KCTD16: variants seen among roughly 807,000 people sequenced by gnomAD.
KCTD16 encodes BTB/POZ domain-containing protein KCTD16.
A neutral mutation model predicts 33.2 loss-of-function variants in KCTD16; 13 were observed. The observed-to-expected ratio is 0.39, with a 90% CI of 0.25 to 0.62. The LOEUF is 0.62. KCTD16 is among the 20% of genes least tolerant of loss of function. KCTD16 has a pLI of 0.50. For synonymous variants in KCTD16, 197 were observed against 195.3 expected (o/e 1.01, Z -0.07); for missense variants, 441 against 525.1 (o/e 0.84, Z 1.57).
chr5:144,348,936 T>C (rs2126906035), intron 3 of KCTD16, among the ~76,000 whole-genome samples: 1 of 152,252 alleles, frequency 6.6e-6, no homozygotes, highest in East Asian at 1.9e-4. Context: ...GAGAGTAGGT[T>C]CAGGGGGCTA....
intron 3 of KCTD16, among the ~76,000 whole-genome samples, chr5:144,384,693 A>G (rs1451405439): frequency 6.6e-6 from 1 of 152,172 alleles, no homozygotes; most frequent in Non-Finnish European, 1.5e-5. Flanking sequence ...TTCATCATTA[A>G]TGTTTGCACT....
intron 1 of KCTD16, among the ~76,000 whole-genome samples, chr5:144,172,447 A>G (rs1264050523): frequency 5.3e-5 from 8 of 152,238 alleles, no homozygotes; most frequent in Admixed American, 4.6e-4. Flanking sequence ...AGTTATTTTG[A>G]ACTATACAAT....
intron 3 of KCTD16, among the ~76,000 whole-genome samples, chr5:144,362,467 G>A (rs74543196): frequency 0.027 from 4,062 of 152,176 alleles, 84 homozygotes; most frequent in African/African-American, 0.044. Context: ...TGGTAGAGTG[G>A]GGTGACTAAT....
Position 144,481,666 on chromosome 5 carries a change from T to A in KCTD16, c.*7552T>A, listed in dbSNP as rs1431204588. 1.3e-5 allele frequency: 2 copies of A among 151,944 alleles called. No individual in the cohort carries two copies. Among genetic ancestry groups the A allele is most frequent in the East Asian group, 3.9e-4 (2 of 5,160 alleles). The allele number at this position is 151,944 out of a possible 1,614,324, so 9.4% of individuals were successfully genotyped here. A position where few individuals can be genotyped will look rare whatever the true frequency, so the allele number is the denominator to read the frequency against. ...AGAAAGTTTAAATCGGTCATTTATT[T>A]GTTTGTTTATGCATATATCCAGCAA... On this transcript the variant is annotated 3_prime_UTR_variant, in exon 4 of 4. Transcript: ENST00000512467.
intron 3 of KCTD16, among the ~76,000 whole-genome samples, chr5:144,278,057 T>G (rs557812676): frequency 6.6e-6 from 1 of 152,332 alleles, no homozygotes; most frequent in East Asian, 1.9e-4. Flanking sequence ...TTTTCTTTTA[T>G]GGGCTGTGCT....
At chr5:144,191,015 G>C (rs969888584) in intron 2 of KCTD16, among the ~76,000 whole-genome samples, 6 of 152,220 alleles carry the variant, frequency 3.9e-5, no homozygotes, top group African/African-American at 1.4e-4. Context: ...GACATTCAAT[G>C]TACACCATTC....
intron 3 of KCTD16, among the ~76,000 whole-genome samples, chr5:144,342,637 G>C (rs997963093): frequency 6.6e-6 from 1 of 152,176 alleles, no homozygotes; most frequent in African/African-American, 2.4e-5. Context: ...TGGTGAGAGA[G>C]GGCATCCCTG....
intron 3 of KCTD16, among the ~76,000 whole-genome samples, chr5:144,471,044 G>T (rs558109979): frequency 6.6e-6 from 1 of 152,160 alleles, no homozygotes; most frequent in Non-Finnish European, 1.5e-5. Context: ...GCCGGACGTG[G>T]TGGCAGGTAT....
At chr5:144,316,571 C>T (rs896746711) in intron 3 of KCTD16, among the ~76,000 whole-genome samples, 4 of 134,876 alleles carry the variant, frequency 3.0e-5, no homozygotes, top group Middle Eastern at 0.01. Flanking sequence ...AGTGCAGTGG[C>T]GCGATCTCTC....
intron 3 of KCTD16, among the ~76,000 whole-genome samples, chr5:144,281,053 G>A (rs528923437): frequency 1.3e-5 from 2 of 148,764 alleles, no homozygotes; most frequent in Non-Finnish European, 3.0e-5. Flanking sequence ...GTAGTGGTGG[G>A]AGCCTGTAGT....
intron 3 of KCTD16, among the ~76,000 whole-genome samples, chr5:144,345,675 T>C (rs1041547588): frequency 3.3e-5 from 5 of 152,102 alleles, no homozygotes; most frequent in African/African-American, 1.2e-4. Context: ...AAATTCTAGA[T>C]TAGTGCTGTC....
At chr5:144,205,442 G>C (rs1753140403) in intron 2 of KCTD16, 4 of 398,494 alleles carry the variant, frequency 1.0e-5, no homozygotes, top group African/African-American at 6.2e-5. Flanking sequence ...CGCCAGAGAA[G>C]CCGGAGCCCC....
chr5:144,399,879 T>G (rs1273122232), intron 3 of KCTD16, among the ~76,000 whole-genome samples: 1 of 152,148 alleles, frequency 6.6e-6, no homozygotes, highest in Non-Finnish European at 1.5e-5. Flanking sequence ...ATTAAGGAGT[T>G]TCCGGTGCTA....
rs1323596724 is a variant in KCTD16 at position 144,466,236 on chromosome 5, AG to A, written c.833-7421del. Among the ~76,000 whole-genome samples, 4 of 123,768 alleles carry A rather than the reference AG, an allele frequency of 3.2e-5. No individual in the cohort carries two copies. In the East Asian group the frequency reaches 8.7e-4, roughly 27 times the overall value. 81.2% of individuals were successfully genotyped at this position (123,768 alleles called of 152,430 possible). ...AATATTATATCTTAGTTCACTAGCT[AG>A]GGTTTTTTTTTTTTTTTTCATGAGC... On this transcript the variant is annotated intron_variant, in intron 3 of 3. Coordinates refer to ENST00000512467, the MANE Select transcript of KCTD16 (RefSeq NM_020768.4).
Position 144,481,366 on chromosome 5 carries a change from C to T in KCTD16, c.*7252C>T, listed in dbSNP as rs1386575991. The T allele has an allele frequency of 3.3e-5, 5 of 151,890 alleles. No homozygotes were observed. The highest frequency in any genetic ancestry group is 3.3e-4 in the Admixed American group (5 of 15,208). The allele number at this position is 151,890 out of a possible 1,614,324, so 9.4% of individuals were successfully genotyped here. On this transcript the variant is annotated 3_prime_UTR_variant, in exon 4 of 4. Coordinates refer to ENST00000512467, the MANE Select transcript of KCTD16 (RefSeq NM_020768.4). ...TGTTACTTTGAGTTGAATATTCCCTCTCTGAGGATGGTAAAATCTTATTGG... is the reference window on the plus strand; with the variant it reads ...TGTTACTTTGAGTTGAATATTCCCTTTCTGAGGATGGTAAAATCTTATTGG...
At chr5:144,336,071 T>TC (rs1409246060) in intron 3 of KCTD16, among the ~76,000 whole-genome samples, 1 of 152,184 alleles carries the variant, frequency 6.6e-6, no homozygotes, top group Non-Finnish European at 1.5e-5. Flanking sequence ...GAAAAGGCCT[T>TC]CCTGTGAGAC....
chr5:144,310,438 A>G (rs867642133), intron 3 of KCTD16, among the ~76,000 whole-genome samples: 1 of 151,080 alleles, frequency 6.6e-6, no homozygotes, highest in Non-Finnish European at 1.5e-5. Context: ...GCCAGATTGT[A>G]TGGTAGCTCT....
intron 3 of KCTD16, among the ~76,000 whole-genome samples, chr5:144,277,574 C>A (rs1345783269): frequency 6.6e-6 from 1 of 152,202 alleles, no homozygotes. Flanking sequence ...AAGACAGTGG[C>A]AGGGCCAGCA....
chr5:144,189,566 G>A (rs1490538314), intron 2 of KCTD16, among the ~76,000 whole-genome samples: 1 of 152,078 alleles, frequency 6.6e-6, no homozygotes, highest in Non-Finnish European at 1.5e-5. Context: ...TACAATTTCA[G>A]GGAATTCATG....
Sources: gnomAD v4.1 joint callset for allele counts (sites outside exome capture counted in the v4.1 genomes callset) on GRCh38, gnomAD v4.1.1 for gene constraint, MANE v1.5 for transcripts, NCBI Gene and HGNC (gene_info 2026-07-23, HGNC 2026-07-21) for gene names.